Variants in DIPK1A observed in about 807,000 individuals in gnomAD.
DIPK1A encodes the protein family with sequence similarity 69 member A.
A neutral mutation model predicts 40.8 loss-of-function variants in DIPK1A; 27 were observed. The observed-to-expected ratio is 0.66, with a 90% CI of 0.49 to 0.91. The LOEUF (loss-of-function observed/expected upper bound fraction) is 0.91. Ranked by LOEUF, DIPK1A falls within the 40% of genes least tolerant of loss-of-function variation. DIPK1A has a pLI of 0.00. For missense variants in DIPK1A, 412 were observed against 505.7 expected (o/e 0.81, Z 1.78); for synonymous variants, 166 against 171.3 (o/e 0.97, Z 0.24).
At chr1:92,881,154 CAG>C (rs1447087552) in intron 1 of DIPK1A, among the ~76,000 whole-genome samples, 1 of 106,432 alleles carries the variant, frequency 9.4e-6, no homozygotes, top group Admixed American at 1.5e-4. Context: ...GCCTGGGTGA[CAG>C]AGCGAGACTC....
chr1:92,915,300 G>A (rs1571120389), intron 1 of DIPK1A, among the ~76,000 whole-genome samples: 1 of 152,192 alleles, frequency 6.6e-6, no homozygotes, highest in Non-Finnish European at 1.5e-5. Flanking sequence ...CTAAACATGT[G>A]AGTCCGTGTA....
chr1:92,867,909 T>C (rs1647636867), intron 2 of DIPK1A, among the ~76,000 whole-genome samples: 1 of 152,150 alleles, frequency 6.6e-6, no homozygotes, highest in Non-Finnish European at 1.5e-5. Context: ...ACAGCAATCT[T>C]CCAGGAAATT....
chr1:92,897,396 A>T (rs1409239492), intron 1 of DIPK1A, among the ~76,000 whole-genome samples: 1 of 152,110 alleles, frequency 6.6e-6, no homozygotes, highest in Non-Finnish European at 1.5e-5. Flanking sequence ...TCAGCAAACT[A>T]TCGCAAGGAC....
At chr1:92,868,910 G>C (rs937067874) in intron 2 of DIPK1A, among the ~76,000 whole-genome samples, 6 of 149,764 alleles carry the variant, frequency 4.0e-5, no homozygotes, top group Admixed American at 2.7e-4. Context: ...AGGTTGTGGT[G>C]AGCTGAGATC....
intron 1 of DIPK1A, among the ~76,000 whole-genome samples, chr1:92,942,257 CTTGT>C (rs1651182595): frequency 6.6e-6 from 1 of 152,292 alleles, no homozygotes; most frequent in South Asian, 2.1e-4. Context: ...ACTGAAAAGG[CTTGT>C]TTATCCCTTC....
intron 1 of DIPK1A, among the ~76,000 whole-genome samples, chr1:92,903,571 T>C (rs1018051291): frequency 6.6e-6 from 1 of 152,140 alleles, no homozygotes; most frequent in African/African-American, 2.4e-5. Context: ...AATGACCAAC[T>C]CAGAACTTCT....
intron 1 of DIPK1A, chr1:92,877,112 G>C: frequency 1.0e-6 from 1 of 985,408 alleles, no homozygotes; most frequent in Non-Finnish European, 1.2e-6. Flanking sequence ...ATATCAACTT[G>C]CAAAGTGTAA....
intron 2 of DIPK1A, among the ~76,000 whole-genome samples, chr1:92,860,627 T>TAAAAAAAAAA (rs796274250): frequency 2.7e-4 from 3 of 11,066 alleles, no homozygotes; most frequent in African/African-American, 4.4e-4. Context: ...CAATTTCTAC[T>TAAAAAAAAAA]AAAAAAAAAA....
Position 92,843,356 on chromosome 1 carries a change from T to C in DIPK1A, c.*27A>G, listed in dbSNP as rs763011942. The C allele has an allele frequency of 6.3e-5, 92 of 1,468,110 alleles. No homozygotes were observed. The African/African-American group carries it at 1.2e-3, about 19-fold the overall frequency. 90.9% of individuals were successfully genotyped at this position (1,468,110 alleles called of 1,614,324 possible). ...TTGTTCTTTAAAAGTGGCAGGTTTCTTAAAATGGTAATTATGTCCAAATGA... is the reference window on the plus strand; with the variant it reads ...TTGTTCTTTAAAAGTGGCAGGTTTCCTAAAATGGTAATTATGTCCAAATGA... On this transcript the variant is annotated 3_prime_UTR_variant, in exon 5 of 5. Coordinates refer to ENST00000370310, the MANE Select transcript of DIPK1A (RefSeq NM_001006605.5).
At chr1:92,850,069 C>T (rs1260291144) in intron 3 of DIPK1A, among the ~76,000 whole-genome samples, 1 of 152,086 alleles carries the variant, frequency 6.6e-6, no homozygotes, top group Non-Finnish European at 1.5e-5. Context: ...CTCCTGGGCT[C>T]AAGCAATCTT....
chr1:92,907,352 T>C (rs749758199), intron 1 of DIPK1A, among the ~76,000 whole-genome samples: 1 of 152,068 alleles, frequency 6.6e-6, no homozygotes, highest in Non-Finnish European at 1.5e-5. Flanking sequence ...ATCAGATCAG[T>C]GGTTGCTTTG....
At chr1:92,857,599 A>C (rs1688028895) in intron 2 of DIPK1A, among the ~76,000 whole-genome samples, 1 of 152,138 alleles carries the variant, frequency 6.6e-6, no homozygotes, top group Admixed American at 6.6e-5. Context: ...TTGGGATTAC[A>C]GGAGTGAGCC....
intron 1 of DIPK1A, among the ~76,000 whole-genome samples, chr1:92,901,505 G>C (rs1029765945): frequency 6.6e-6 from 1 of 152,048 alleles, no homozygotes; most frequent in African/African-American, 2.4e-5. Context: ...TGTACCCCTA[G>C]GGGTCACAGT....
intron 1 of DIPK1A, among the ~76,000 whole-genome samples, chr1:92,944,892 C>T (rs1651303811): frequency 6.6e-6 from 1 of 152,138 alleles, no homozygotes; most frequent in Non-Finnish European, 1.5e-5. Context: ...CTGCTTTGCG[C>T]TCCTAAAGTG....
chr1:92,921,084 G>A (rs1371086000), intron 1 of DIPK1A, among the ~76,000 whole-genome samples: 1 of 152,116 alleles, frequency 6.6e-6, no homozygotes, highest in Non-Finnish European at 1.5e-5. Context: ...GGAAGGGGTT[G>A]GAGGAAGCCG....
chr1:92,959,580 T>C (rs1287478004), intron 1 of DIPK1A, among the ~76,000 whole-genome samples: 2 of 150,112 alleles, frequency 1.3e-5, no homozygotes, highest in East Asian at 3.9e-4. Context: ...GCCTCCCGAG[T>C]AGCTGGGACT....
intron 1 of DIPK1A, among the ~76,000 whole-genome samples, chr1:92,927,271 C>T (rs1650551254): frequency 1.3e-5 from 2 of 151,930 alleles, no homozygotes; most frequent in Admixed American, 1.3e-4. Flanking sequence ...GTCACAAGGT[C>T]ACAGCCTTGA....
intron 1 of DIPK1A, among the ~76,000 whole-genome samples, chr1:92,947,023 A>G (rs1651395520): frequency 6.6e-6 from 1 of 152,006 alleles, no homozygotes. Flanking sequence ...TGATAATGCA[A>G]TCCTTTCAGG....
At chr1:92,835,122 G>T in intron 4 of DIPK1A, 1 of 673,132 alleles carries the variant, frequency 1.5e-6, no homozygotes, top group Non-Finnish European at 2.5e-6. Context: ...TTGCTGTCCA[G>T]TGGTTTTGCC....
Sources: allele counts gnomAD v4.1 joint callset (sites outside exome capture counted in the v4.1 genomes callset), GRCh38; gene constraint gnomAD v4.1.1; transcripts MANE v1.5; gene names NCBI Gene and HGNC (gene_info 2026-07-23, HGNC 2026-07-21).